The following COL25A1 variants were observed in gnomAD, a reference collection of about 807,000 sequenced individuals.
The protein encoded by COL25A1 is collagen type XXV alpha 1 chain.
COL25A1 carries 103 observed loss-of-function variants against 128.4 expected under a neutral mutation model. The observed-to-expected ratio is 0.80, with a 90% CI of 0.68 to 0.94. The LOEUF is 0.94. Ranked by LOEUF, COL25A1 falls within the 40% of genes least tolerant of loss-of-function variation. The probability of loss-of-function intolerance (pLI) is 0.00; values close to 1 mark genes in which losing one functional copy is unlikely to be tolerated. For missense variants in COL25A1, 745 were observed against 840.0 expected, an observed-to-expected ratio of 0.89 and a Z score of 1.40; for synonymous variants, 279 against 277.2, an observed-to-expected ratio of 1.01 and a Z score of -0.06.
intron 3 of COL25A1, among the ~76,000 whole-genome samples, chr4:109,197,441 T>TAAAA (rs1560850439): frequency 2.8e-4 from 34 of 123,462 alleles, no homozygotes; most frequent in Admixed American, 8.5e-4. Flanking sequence ...ATATTATATA[T>TAAAA]TATATATATT....
chr4:109,162,120 G>A (rs1772635375), intron 3 of COL25A1, among the ~76,000 whole-genome samples: 1 of 152,158 alleles, frequency 6.6e-6, no homozygotes, highest in African/African-American at 2.4e-5. Context: ...GTAATATGGT[G>A]CAGTTGACAT....
At chr4:109,292,755 C>T (rs1455087255) in intron 3 of COL25A1, among the ~76,000 whole-genome samples, 1 of 152,068 alleles carries the variant, frequency 6.6e-6, no homozygotes, top group African/African-American at 2.4e-5. Context: ...CCTTGACCCA[C>T]TTAACCCACT....
At chr4:108,936,656 T>C (rs952850048) in intron 11 of COL25A1, among the ~76,000 whole-genome samples, 2 of 151,874 alleles carry the variant, frequency 1.3e-5, no homozygotes, top group Non-Finnish European at 2.9e-5. Context: ...CCCAGAATGC[T>C]TTCATTTCAC....
intron 3 of COL25A1, among the ~76,000 whole-genome samples, chr4:109,285,421 T>C (rs2126279205): frequency 6.6e-6 from 1 of 152,360 alleles, no homozygotes; most frequent in South Asian, 2.1e-4. Flanking sequence ...ATAGCCAGAA[T>C]GTCACCAAGG....
chr4:109,057,695 T>G (rs772068015), intron 3 of COL25A1, among the ~76,000 whole-genome samples: 15 of 152,102 alleles, frequency 9.9e-5, no homozygotes, highest in Non-Finnish European at 1.5e-4. Context: ...ATGTGATCAT[T>G]AGAGTTATTT....
At chr4:108,954,565 T>C (rs908351025) in intron 8 of COL25A1, among the ~76,000 whole-genome samples, 7 of 152,014 alleles carry the variant, frequency 4.6e-5, no homozygotes, top group African/African-American at 1.7e-4. Flanking sequence ...GAGTAAAGAT[T>C]AGATTGTCTT....
chr4:109,034,172 C>T (rs1011755266), intron 5 of COL25A1, among the ~76,000 whole-genome samples: 1 of 152,058 alleles, frequency 6.6e-6, no homozygotes, highest in Non-Finnish European at 1.5e-5. Flanking sequence ...TCTCATTATT[C>T]TTAAGAAACT....
At chr4:108,848,523 T>C (rs1318731998) in intron 27 of COL25A1, among the ~76,000 whole-genome samples, 1 of 152,084 alleles carries the variant, frequency 6.6e-6, no homozygotes, top group Non-Finnish European at 1.5e-5. Flanking sequence ...TGCAGGGGAG[T>C]CACTGGTAGG....
In COL25A1 at chr4:108,824,287, G is replaced by T. The variant is rs896359890; in HGVS notation, c.1792-60C>A. 38 of 1,156,328 alleles carry T rather than the reference G, an allele frequency of 3.3e-5. No individual in the cohort carries two copies. The African/African-American group carries it at 5.6e-4, about 17-fold the overall frequency. The allele number at this position is 1,156,328 out of a possible 1,614,324, so 71.6% of individuals were successfully genotyped here. A position where few individuals can be genotyped will look rare whatever the true frequency, so the allele number is the denominator to read the frequency against. ...GGTGTAATAGTGGCAAAATCATATA[G>T]AAACAAATATTTTAGGATTTTACAT... is the stretch of plus-strand genomic sequence containing the variant. On this transcript the variant is annotated intron_variant, in intron 34 of 37. Coordinates refer to ENST00000399132, the MANE Select transcript of COL25A1 (RefSeq NM_198721.4).
At chr4:109,080,455 G>GT (rs1763743726) in intron 3 of COL25A1, among the ~76,000 whole-genome samples, 1 of 152,054 alleles carries the variant, frequency 6.6e-6, no homozygotes, top group African/African-American at 2.4e-5. Flanking sequence ...GTAGGACTCC[G>GT]TAAGTCTGTG....
chr4:108,888,412 A>G (rs892425329), intron 18 of COL25A1, among the ~76,000 whole-genome samples: 9 of 152,210 alleles, frequency 5.9e-5, no homozygotes, highest in Non-Finnish European at 1.3e-4. Context: ...ATGATCTTTA[A>G]GAGATTTAAC....
chr4:109,047,789 G>C (rs1286281515), intron 5 of COL25A1, among the ~76,000 whole-genome samples: 2 of 140,954 alleles, frequency 1.4e-5, no homozygotes, highest in Non-Finnish European at 1.5e-5. Flanking sequence ...CTGGAGTGCA[G>C]TGGCATGATC....
chr4:108,973,884 A>T (rs571404961), intron 8 of COL25A1, among the ~76,000 whole-genome samples: 1 of 152,346 alleles, frequency 6.6e-6, no homozygotes, highest in Admixed American at 6.5e-5. Flanking sequence ...ATCTATAAAA[A>T]CTAGAAATTC....
At chr4:108,911,859 CT>C (rs1578742634) in intron 13 of COL25A1, among the ~76,000 whole-genome samples, 1 of 150,936 alleles carries the variant, frequency 6.6e-6, no homozygotes, top group East Asian at 1.9e-4. Context: ...TCAGCTACCC[CT>C]ATTCTCTCAG....
intron 3 of COL25A1, among the ~76,000 whole-genome samples, chr4:109,298,441 T>C (rs1237955976): frequency 6.6e-6 from 1 of 152,176 alleles, no homozygotes; most frequent in Non-Finnish European, 1.5e-5. Flanking sequence ...GGTGGGCATC[T>C]GTCCACAGGA....
intron 3 of COL25A1, among the ~76,000 whole-genome samples, chr4:109,178,685 A>G (rs77994865): frequency 3.3e-5 from 5 of 152,058 alleles, no homozygotes; most frequent in African/African-American, 1.2e-4. Flanking sequence ...AAACAAAAAA[A>G]TTAGCCAGGT....
At chr4:108,839,180 TA>T (rs1192987661) in intron 31 of COL25A1, among the ~76,000 whole-genome samples, 3 of 152,128 alleles carry the variant, frequency 2.0e-5, no homozygotes, top group Non-Finnish European at 4.4e-5. Context: ...TTGTTAAACA[TA>T]AAGAGTTCAG....
intron 3 of COL25A1, among the ~76,000 whole-genome samples, chr4:109,246,305 T>C (rs1306405967): frequency 6.6e-6 from 1 of 152,114 alleles, no homozygotes; most frequent in African/African-American, 2.4e-5. Context: ...TACAGTAAGC[T>C]GGTAGAGCTA....
intron 5 of COL25A1, among the ~76,000 whole-genome samples, chr4:109,026,949 T>C (rs924567079): frequency 7.9e-5 from 12 of 152,248 alleles, no homozygotes; most frequent in Admixed American, 7.9e-4. Flanking sequence ...AAAATGGATG[T>C]ATTCCATTCC....
Sources: gnomAD v4.1 joint callset for allele counts (sites outside exome capture counted in the v4.1 genomes callset) on GRCh38, gnomAD v4.1.1 for gene constraint, MANE v1.5 for transcripts, NCBI Gene and HGNC (gene_info 2026-07-23, HGNC 2026-07-21) for gene names.